Variants in LDHC observed in about 807,000 individuals in gnomAD.
LDHC encodes L-lactate dehydrogenase C chain.
LDHC carries 20 observed loss-of-function variants against 30.2 expected under a neutral mutation model. The observed-to-expected ratio is 0.66, with a 90% CI of 0.47 to 0.96. The LOEUF is 0.96. LDHC is among the 40% of genes least tolerant of loss of function. LDHC has a pLI of 0.00. For synonymous variants in LDHC, 139 were observed against 132.7 expected, an observed-to-expected ratio of 1.05 and a Z score of -0.32; for missense variants, 362 against 394.9, an observed-to-expected ratio of 0.92 and a Z score of 0.71.
intron 5 of LDHC, among the ~76,000 whole-genome samples, chr11:18,437,195 A>G (rs1182358704): frequency 6.6e-6 from 1 of 152,136 alleles, no homozygotes; most frequent in Non-Finnish European, 1.5e-5. Context: ...TTAATTTGAC[A>G]TTCTTTTCCC....
rs1023336240 is a variant in LDHC, at chr11:18,422,277, C to T, written c.244+6976C>T. ...AAAGTTAGTAATCAGAAATCAAGGC[C>T]GGGCACGATGGCCCATGCCTGTAAT... On this transcript the variant is annotated intron_variant, in intron 3 of 7. Coordinates refer to ENST00000541669, the MANE Select transcript of LDHC (RefSeq NM_017448.5). Among the ~76,000 whole-genome samples, 7 of 150,136 alleles carry T rather than the reference C, an allele frequency of 4.7e-5. 1 individual carries two copies. Among genetic ancestry groups the T allele is most frequent in the African/African-American group, 1.7e-4 (7 of 40,856 alleles).
Position 18,442,660 on chromosome 11 carries a change from CTTTTTTTTT to C in LDHC, c.711-3538_711-3530del, listed in dbSNP as rs34884188. ...ACATGTTTTATCTCTTTCTCTCTCT[CTTTTTTTTT>C]TTTTTTTTTTTGAGACAGAGTCTTG... is the stretch of plus-strand genomic sequence containing the variant. On this transcript the variant is annotated intron_variant, in intron 6 of 7. Transcript: ENST00000541669. Among the ~76,000 whole-genome samples the C allele has an allele frequency of 4.4e-5, 5 of 112,626 alleles. No homozygotes were observed. In the East Asian group the frequency reaches 1.3e-3, roughly 29 times the overall value. The allele number at this position is 112,626 out of a possible 152,430, so 73.9% of individuals were successfully genotyped here. A position where few individuals can be genotyped will look rare whatever the true frequency, so the allele number is the denominator to read the frequency against.
chr11:18,440,808 A>G (rs948391233), intron 6 of LDHC, among the ~76,000 whole-genome samples: 1 of 151,870 alleles, frequency 6.6e-6, no homozygotes, highest in African/African-American at 2.4e-5. Context: ...GTATGTCTGT[A>G]GTCCCAGCTA....
chr11:18,449,859 A>G (rs1317338355), intron 7 of LDHC, among the ~76,000 whole-genome samples: 4 of 152,194 alleles, frequency 2.6e-5, no homozygotes, highest in Admixed American at 2.6e-4. Flanking sequence ...GCTGTGAGGC[A>G]CTGCTCCAGA....
At chr11:18,412,440 T>C (rs1485105966) in intron 1 of LDHC, 32 bp downstream of exon 1, 2 of 357,084 alleles carry the variant, frequency 5.6e-6, no homozygotes, top group Non-Finnish European at 1.1e-5. Context: ...TCATCTGTAC[T>C]GATTGCGCCA....
chr11:18,420,659 A>G (rs1867106413), intron 3 of LDHC, among the ~76,000 whole-genome samples: 1 of 151,624 alleles, frequency 6.6e-6, no homozygotes, highest in East Asian at 1.9e-4. Context: ...AAAAAAAAAA[A>G]AAAAAAGGAG....
intron 6 of LDHC, among the ~76,000 whole-genome samples, chr11:18,442,883 C>T (rs536014352): frequency 1.3e-5 from 2 of 151,986 alleles, no homozygotes; most frequent in Admixed American, 6.6e-5. Flanking sequence ...AACTGGTCTC[C>T]AACTCCTGAC....
intron 4 of LDHC, among the ~76,000 whole-genome samples, chr11:18,432,337 A>G (rs1289040639): frequency 6.6e-6 from 1 of 152,136 alleles, no homozygotes; most frequent in Non-Finnish European, 1.5e-5. Flanking sequence ...GCTTGATATA[A>G]TTTCAATTTT....
At chr11:18,414,185 T>A (rs985409159) in intron 2 of LDHC, among the ~76,000 whole-genome samples, 6 of 152,240 alleles carry the variant, frequency 3.9e-5, no homozygotes, top group South Asian at 4.1e-4. Context: ...AGATGTAATC[T>A]TCCGTCTTCC....
At chr11:18,428,266 G>T (rs1465752660) in intron 3 of LDHC, among the ~76,000 whole-genome samples, 1 of 145,610 alleles carries the variant, frequency 6.9e-6, no homozygotes, top group Non-Finnish European at 1.5e-5. Flanking sequence ...CCGCCTCCTG[G>T]GTTCAAGCCA....
At chr11:18,434,592 C>T in intron 4 of LDHC, 148 bp from the exon 5 acceptor site, 1 of 576,444 alleles carries the variant, frequency 1.7e-6, no homozygotes, top group East Asian at 2.9e-5. Flanking sequence ...GGATAACAGG[C>T]GTGAGCCACC....
At chr11:18,440,934 G>A (rs1033043609) in intron 6 of LDHC, among the ~76,000 whole-genome samples, 1 of 146,074 alleles carries the variant, frequency 6.8e-6, no homozygotes, top group African/African-American at 2.6e-5. Context: ...GAAAAATCCT[G>A]TCTCTAAAAA....
chr11:18,436,609 C>G (rs1848359376), intron 5 of LDHC, among the ~76,000 whole-genome samples: 2 of 151,314 alleles, frequency 1.3e-5, no homozygotes, highest in South Asian at 4.2e-4. Flanking sequence ...GCCTCAGCCT[C>G]CTGAGTAGCT....
chr11:18,424,970 T>C (rs1393304407), intron 3 of LDHC, among the ~76,000 whole-genome samples: 2 of 152,206 alleles, frequency 1.3e-5, no homozygotes, highest in Non-Finnish European at 2.9e-5. Flanking sequence ...ATCGTGCCAC[T>C]GTACTCCAGC....
At position 18,436,567 on chromosome 11, in the gene LDHC, A is replaced by C. The variant is rs1300862999; in HGVS notation, c.592+1654A>C. 8.5e-4 allele frequency among the ~76,000 whole-genome samples: 121 copies of C among 142,552 alleles called. 2 individuals carry two copies. The highest frequency in any genetic ancestry group is 2.0e-4 in the Non-Finnish European group (13 of 65,892). The allele number at this position is 142,552 out of a possible 152,430, so 93.5% of individuals were successfully genotyped here. A position where few individuals can be genotyped will look rare whatever the true frequency, so the allele number is the denominator to read the frequency against. On this transcript the variant is annotated intron_variant, in intron 5 of 7. Transcript: ENST00000541669. Reference sequence around the variant, plus strand: ...AATGGTGTGATCTCGGCTCACCGCAACCTCCGCCTCCTGGGTTCAAGCGAT... The same window carrying C: ...AATGGTGTGATCTCGGCTCACCGCACCCTCCGCCTCCTGGGTTCAAGCGAT...
chr11:18,421,881 T>G (rs1848061847), intron 3 of LDHC, among the ~76,000 whole-genome samples: 1 of 152,114 alleles, frequency 6.6e-6, no homozygotes, highest in South Asian at 2.1e-4. Flanking sequence ...CTCAGCACTT[T>G]GGGAGGCCAA....
chr11:18,435,684 A>G (rs1213278524), intron 5 of LDHC, among the ~76,000 whole-genome samples: 1 of 152,208 alleles, frequency 6.6e-6, no homozygotes, highest in Non-Finnish European at 1.5e-5. Context: ...AGTTTCTGGT[A>G]TATTCACAGG....
chr11:18,432,317 G>C (rs1848280411), intron 4 of LDHC, among the ~76,000 whole-genome samples: 1 of 152,134 alleles, frequency 6.6e-6, no homozygotes, highest in Non-Finnish European at 1.5e-5. Flanking sequence ...TTCCACTGTG[G>C]TCTGAGAGTG....
rs1395813597 is a variant in LDHC, at chr11:18,451,107, C to T, written c.979C>T (p.Gln327Ter). The T allele has an allele frequency of 6.5e-7, 1 of 1,536,600 alleles. No individual in the cohort carries two copies. The highest frequency in any genetic ancestry group is 2.4e-5 in the Admixed American group (1 of 41,920). Residue 327 changes from glutamine (Q) to a stop codon, truncating the protein, a stop_gained, in exon 8 of 8, where the codon CAA becomes TAA. Transcript: ENST00000541669. LOFTEE classifies it high-confidence loss of function. ...KKSAETLWNIQKDLIF is the reference protein window; with the variant it reads ...KKSAETLWNI ...GAGTGCAGAAACACTTTGGAATATT[C>T]AAAAGGATCTAATATTTTAAATTAA...
Sources: gnomAD v4.1 joint callset for allele counts (sites outside exome capture counted in the v4.1 genomes callset) on GRCh38, gnomAD v4.1.1 for gene constraint, MANE v1.5 for transcripts, NCBI Gene and HGNC (gene_info 2026-07-23, HGNC 2026-07-21) for gene names.